The following FRMD5 variants were observed in gnomAD, a reference collection of about 807,000 sequenced individuals.
FRMD5 encodes the protein FERM domain containing 5, also known as FERM domain-containing protein 5.
Under a neutral mutation model 69.0 loss-of-function variants are expected in FRMD5, and 20 were observed. The observed-to-expected ratio is 0.29, with a 90% confidence interval of 0.20 to 0.42. The LOEUF is 0.42. Ranked by LOEUF, FRMD5 falls within the 10% of genes least tolerant of loss-of-function variation. FRMD5 has a pLI of 1.00. For missense variants in FRMD5, 595 were observed against 708.6 expected (o/e 0.84, Z 1.82); for synonymous variants, 271 against 260.1 (o/e 1.04, Z -0.40).
intron 1 of FRMD5, among the ~76,000 whole-genome samples, chr15:44,105,795 C>T (rs1294224674): frequency 6.6e-6 from 1 of 152,130 alleles, no homozygotes; most frequent in Admixed American, 6.5e-5. Context: ...ATTACTACTG[C>T]CCATTAGAAC....
intron 1 of FRMD5, among the ~76,000 whole-genome samples, chr15:44,075,668 A>G (rs995117203): frequency 5.3e-5 from 8 of 152,168 alleles, no homozygotes; most frequent in Non-Finnish European, 1.2e-4. Context: ...CCTCCCCTGC[A>G]TATTCTCTGT....
At chr15:44,059,753 G>A (rs1893016562) in intron 1 of FRMD5, among the ~76,000 whole-genome samples, 1 of 152,002 alleles carries the variant, frequency 6.6e-6, no homozygotes, top group Non-Finnish European at 1.5e-5. Flanking sequence ...CTGACCTCGT[G>A]ATCCACCTGC....
At chr15:43,881,176 T>C (rs2088517388) in intron 13 of FRMD5, among the ~76,000 whole-genome samples, 8 of 152,066 alleles carry the variant, frequency 5.3e-5, no homozygotes, top group Admixed American at 4.6e-4. Flanking sequence ...TTCCCTAGGG[T>C]GAGCCTTTTG....
rs189464315 is a variant in FRMD5 at position 43,944,498 on chromosome 15, T to G, written c.103-20189A>C. Among the ~76,000 whole-genome samples, 794 of 152,274 alleles carry G rather than the reference T, an allele frequency of 5.2e-3. 19 individuals are homozygous for G. The highest frequency in any genetic ancestry group is 2.9e-3 in the Non-Finnish European group (197 of 68,004). Reference sequence around the variant, plus strand: ...GTGCAGTGGCGCAATCTCTGCTCACTGCAACCTCCACCTCCCGAACTCCCG... The same window carrying G: ...GTGCAGTGGCGCAATCTCTGCTCACGGCAACCTCCACCTCCCGAACTCCCG... On this transcript the variant is annotated intron_variant, in intron 1 of 13. Transcript: ENST00000417257.
intron 13 of FRMD5, chr15:43,879,548 G>T (rs2140343915): frequency 2.5e-6 from 1 of 399,056 alleles, no homozygotes; most frequent in East Asian, 3.6e-5. Context: ...CAGCAGTCAG[G>T]ACCCTACCCT....
chr15:43,982,815 T>C (rs2090568696), intron 1 of FRMD5, among the ~76,000 whole-genome samples: 2 of 152,238 alleles, frequency 1.3e-5, no homozygotes, highest in Non-Finnish European at 1.5e-5. Context: ...AGAAGGTATC[T>C]TTTTTAAATC....
At chr15:44,027,218 C>T (rs1486236983) in intron 1 of FRMD5, among the ~76,000 whole-genome samples, 1 of 152,052 alleles carries the variant, frequency 6.6e-6, no homozygotes, top group East Asian at 1.9e-4. Flanking sequence ...GACTTTCTAT[C>T]CTTTAATTAC....
intron 1 of FRMD5, among the ~76,000 whole-genome samples, chr15:44,125,296 C>T (rs1595493730): frequency 6.6e-6 from 1 of 151,880 alleles, no homozygotes; most frequent in East Asian, 1.9e-4. Context: ...GGTGAGACCC[C>T]CATCTCTTAA....
intron 1 of FRMD5, among the ~76,000 whole-genome samples, chr15:44,159,105 A>C (rs916872263): frequency 1.3e-5 from 2 of 152,248 alleles, no homozygotes; most frequent in Non-Finnish European, 2.9e-5. Flanking sequence ...CATTCTATTC[A>C]GAGGAAAAAG....
rs1369701669 is a variant in FRMD5, at chr15:44,049,153, A to G, written c.103-124844T>C. ...AACTGAAATCCACAGATGATATGCA[A>G]TCTTTATTTCAAACATAGTTTTAAG... On this transcript the variant is annotated intron_variant, in intron 1 of 13. Coordinates refer to ENST00000417257, the MANE Select transcript of FRMD5 (RefSeq NM_032892.5). Among the ~76,000 whole-genome samples, 4 of 152,222 alleles carry G rather than the reference A, an allele frequency of 2.6e-5. 1 individual carries two copies.
rs551246492 is a variant in FRMD5, at chr15:44,186,774, T to C, written c.102+8179A>G. On this transcript the variant is annotated intron_variant, in intron 1 of 13. Coordinates refer to ENST00000417257, the MANE Select transcript of FRMD5 (RefSeq NM_032892.5). ...TCCTTTTCCAGAGCAAAATAACCTA[T>C]TAGCATTGGCATTCTGCCGAACACT... is the stretch of plus-strand genomic sequence containing the variant. Among the ~76,000 whole-genome samples the C allele has an allele frequency of 6.6e-5, 10 of 152,376 alleles. No homozygotes were observed. In the South Asian group the frequency reaches 1.9e-3, roughly 28 times the overall value.
At chr15:43,931,559 T>C (rs536841533) in intron 1 of FRMD5, among the ~76,000 whole-genome samples, 1 of 152,176 alleles carries the variant, frequency 6.6e-6, no homozygotes, top group African/African-American at 2.4e-5. Context: ...TAAGGACAGT[T>C]TGACAACTCA....
intron 9 of FRMD5, 108 bp downstream of exon 9, chr15:43,888,701 A>C: frequency 1.1e-6 from 1 of 877,638 alleles, no homozygotes; most frequent in Non-Finnish European, 1.9e-6. Flanking sequence ...GTCTTGGCTT[A>C]GTATGTGGGT....
At chr15:43,904,291 C>T (rs2089119172) in intron 6 of FRMD5, among the ~76,000 whole-genome samples, 1 of 152,204 alleles carries the variant, frequency 6.6e-6, no homozygotes, top group Non-Finnish European at 1.5e-5. Flanking sequence ...CATAGTCTTT[C>T]CTCGGAACAG....
chr15:44,083,070 A>G (rs934927308), intron 1 of FRMD5, among the ~76,000 whole-genome samples: 6 of 151,948 alleles, frequency 3.9e-5, no homozygotes, highest in Non-Finnish European at 5.9e-5. Context: ...CTTCTCAAAC[A>G]CTTTCTGATT....
intron 1 of FRMD5, among the ~76,000 whole-genome samples, chr15:43,947,729 G>A (rs983903973): frequency 6.6e-6 from 1 of 152,122 alleles, no homozygotes; most frequent in Non-Finnish European, 1.5e-5. Flanking sequence ...AGTGTGTAGA[G>A]GCCTGGGAAA....
intron 1 of FRMD5, among the ~76,000 whole-genome samples, chr15:44,180,465 C>T (rs578251812): frequency 5.3e-5 from 8 of 152,010 alleles, no homozygotes; most frequent in Admixed American, 5.3e-4. Flanking sequence ...TTTAAAGGAA[C>T]AAAGAATTAC....
chr15:43,954,733 G>T (rs1310976369), intron 1 of FRMD5, among the ~76,000 whole-genome samples: 1 of 152,202 alleles, frequency 6.6e-6, no homozygotes, highest in African/African-American at 2.4e-5. Flanking sequence ...GGGGATCAGA[G>T]GGAGCAATCC....
intron 1 of FRMD5, among the ~76,000 whole-genome samples, chr15:44,117,721 C>G (rs563017534): frequency 6.6e-6 from 1 of 152,326 alleles, no homozygotes; most frequent in Non-Finnish European, 1.5e-5. Context: ...TTTATGAAGG[C>G]TAAGGCCTTA....
Sources: allele counts gnomAD v4.1 joint callset (sites outside exome capture counted in the v4.1 genomes callset), GRCh38; gene constraint gnomAD v4.1.1; transcripts MANE v1.5; gene names NCBI Gene and HGNC (gene_info 2026-07-23, HGNC 2026-07-21).